Variants in ADAM20 observed in about 807,000 individuals in gnomAD.
ADAM20 encodes the protein disintegrin and metalloproteinase domain-containing protein 20.
For missense variants in ADAM20, 871 were observed against 883.2 expected (o/e 0.99, Z 0.18); for synonymous variants, 305 against 310.2 (o/e 0.98, Z 0.18).
chr14:70,523,656 C>A lies in ADAM20; in HGVS notation c.1102G>T (p.Ala368Ser). Residue 368 changes from alanine (A) to serine (S), a missense_variant, in exon 2 of 2, where the codon GCC becomes TCC. By Grantham distance (99) the Ala-to-Ser change is moderately conservative. Transcript: ENST00000256389. ...AATTTAGTTGTCACCTTTCTATAGG[C>A]ATGCATTATGCACCACTGTAGCTCG... ...VCELQWCIMH[A>S]YRKVTTKFSN... The A allele has an allele frequency of 6.2e-7, 1 of 1,614,104 alleles. No homozygotes were observed. Among genetic ancestry groups the A allele is most frequent in the Non-Finnish European group, 8.5e-7 (1 of 1,179,978 alleles).
At chr14:70,574,211 A>T in the ADAM20 span, among the ~76,000 whole-genome samples, 1 of 152,254 alleles carries the variant, frequency 6.6e-6, no homozygotes, top group Non-Finnish European at 1.5e-5. Context: ...CAAACGTGGA[A>T]ATTAATACTC....
the ADAM20 span, among the ~76,000 whole-genome samples, chr14:70,579,119 C>T: frequency 6.6e-6 from 1 of 152,110 alleles, no homozygotes; most frequent in Non-Finnish European, 1.5e-5. Flanking sequence ...CATGTCTTTG[C>T]TGTTGTTAAT....
At chr14:70,531,488 A>G (rs1300346949) in intron 1 of ADAM20, among the ~76,000 whole-genome samples, 1 of 152,154 alleles carries the variant, frequency 6.6e-6, no homozygotes, top group African/African-American at 2.4e-5. Context: ...TCTATAAAAC[A>G]GTATGGGAAG....
chr14:70,546,842 T>C, the ADAM20 span, among the ~76,000 whole-genome samples: 5 of 150,284 alleles, frequency 3.3e-5, no homozygotes, highest in South Asian at 1.0e-3. Context: ...ATGAAGAAAA[T>C]ACAAAAGATC....
chr14:70,538,719 G>A (rs1047591096), upstream of ADAM20, among the ~76,000 whole-genome samples: 6 of 152,194 alleles, frequency 3.9e-5, no homozygotes, highest in African/African-American at 1.4e-4. Context: ...ATTAGAGGTG[G>A]ATAAGTACTT....
the ADAM20 span, among the ~76,000 whole-genome samples, chr14:70,562,065 G>A: frequency 5.3e-5 from 8 of 152,250 alleles, no homozygotes; most frequent in Non-Finnish European, 8.8e-5. Flanking sequence ...CGAGCACATG[G>A]AGAAGACAGA....
At chr14:70,537,522 T>C (rs188975137), upstream of ADAM20, among the ~76,000 whole-genome samples, 1 of 152,342 alleles carries the variant, frequency 6.6e-6, no homozygotes, top group Admixed American at 6.5e-5. Context: ...TCCCAGTCCT[T>C]GGAGGACCAG....
At chr14:70,572,121 A>G in the ADAM20 span, among the ~76,000 whole-genome samples, 5 of 152,196 alleles carry the variant, frequency 3.3e-5, no homozygotes, top group African/African-American at 9.7e-5. Flanking sequence ...CAGCACTACA[A>G]AAAAATTACG....
At chr14:70,569,176 A>T in the ADAM20 span, among the ~76,000 whole-genome samples, 2 of 152,218 alleles carry the variant, frequency 1.3e-5, no homozygotes, top group Non-Finnish European at 2.9e-5. Context: ...CCTGCCAAAC[A>T]GCTTCATAAA....
chr14:70,566,230 A>G, the ADAM20 span, among the ~76,000 whole-genome samples: 25 of 152,362 alleles, frequency 1.6e-4, no homozygotes, highest in African/African-American at 5.8e-4. Context: ...GTTAAAAGAC[A>G]AAAGTACTAA....
rs1032899073 is a variant in ADAM20, at chr14:70,522,460, T to C, written c.*117A>G. 1.4e-4 allele frequency: 151 copies of C among 1,064,776 alleles called. No homozygotes were observed. The highest frequency in any genetic ancestry group is 1.3e-3 in the South Asian group (72 of 57,470). The allele number at this position is 1,064,776 out of a possible 1,614,324, so 66.0% of individuals were successfully genotyped here. On this transcript the variant is annotated 3_prime_UTR_variant, in exon 2 of 2. Transcript: ENST00000256389. ...ATAGCTAATGCTTGCAATCCTGACA[T>C]GAAATGTCCATGAAGTTTTATTTAA... is the stretch of plus-strand genomic sequence containing the variant.
chr14:70,577,829 T>C, the ADAM20 span, among the ~76,000 whole-genome samples: 4 of 152,180 alleles, frequency 2.6e-5, no homozygotes, highest in East Asian at 7.7e-4. Context: ...GATATACACA[T>C]GCAAAAGAAC....
the ADAM20 span, among the ~76,000 whole-genome samples, chr14:70,568,049 A>G: frequency 6.6e-6 from 1 of 152,122 alleles, no homozygotes; most frequent in African/African-American, 2.4e-5. Context: ...TCCTACTCTT[A>G]AGTGTCATCT....
upstream of ADAM20, among the ~76,000 whole-genome samples, chr14:70,538,540 T>G (rs1218696006): frequency 7.7e-4 from 118 of 152,328 alleles, 2 homozygotes; most frequent in Admixed American, 7.6e-3. Flanking sequence ...TGGAAAAGGT[T>G]TTTTCCCAGT....
intron 1 of ADAM20, among the ~76,000 whole-genome samples, chr14:70,532,384 C>T (rs766194824): frequency 7.9e-5 from 12 of 151,914 alleles, no homozygotes; most frequent in Non-Finnish European, 1.2e-4. Context: ...AAAACACACA[C>T]GAGAAAATCT....
At chr14:70,538,158 G>C (rs1883874106), upstream of ADAM20, among the ~76,000 whole-genome samples, 1 of 151,584 alleles carries the variant, frequency 6.6e-6, no homozygotes, top group African/African-American at 2.4e-5. Context: ...CTGCCCCCAA[G>C]CCCTCAGCCC....
intron 1 of ADAM20, among the ~76,000 whole-genome samples, chr14:70,534,082 CAAAAAAAAAAAAA>C (rs59828723): frequency 1.8e-5 from 1 of 54,076 alleles, no homozygotes; most frequent in Admixed American, 2.5e-4. Context: ...GACCCTGTCT[CAAAAAAAAAAAAA>C]AAAAAAAAAA....
At chr14:70,539,107 C>A (rs564211445), upstream of ADAM20, among the ~76,000 whole-genome samples, 14 of 150,302 alleles carry the variant, frequency 9.3e-5, no homozygotes, top group East Asian at 2.2e-3. Context: ...TGCTTCCCCC[C>A]ACAGAGAGCC....
the ADAM20 span, among the ~76,000 whole-genome samples, chr14:70,550,057 TG>T: frequency 8.3e-5 from 1 of 12,050 alleles, no homozygotes; most frequent in Non-Finnish European, 1.4e-4. Context: ...GAATGACTAC[TG>T]GGTACATAAC....
Sources: gnomAD v4.1 joint callset for allele counts (sites outside exome capture counted in the v4.1 genomes callset) on GRCh38, gnomAD v4.1.1 for gene constraint, MANE v1.5 for transcripts, NCBI Gene and HGNC (gene_info 2026-07-23, HGNC 2026-07-21) for gene names.